SLC38A9: variants seen among roughly 807,000 people sequenced by gnomAD.
SLC38A9 encodes the protein neutral amino acid transporter 9.
Under a neutral mutation model 62.3 loss-of-function variants are expected in SLC38A9, and 48 were observed. The observed-to-expected ratio is 0.77, with a 90% CI of 0.61 to 0.98. SLC38A9 has a LOEUF of 0.98. SLC38A9 is among the 50% of genes least tolerant of loss of function. SLC38A9 has a pLI of 0.00. For missense variants in SLC38A9, 541 were observed against 679.8 expected (o/e 0.80, Z 2.27); for synonymous variants, 204 against 227.7 (o/e 0.90, Z 0.94).
chr5:55,672,749 T>A (rs1282587044), intron 3 of SLC38A9, 54 bp from the exon 4 acceptor site: 1 of 1,573,500 alleles, frequency 6.4e-7, no homozygotes, highest in African/African-American at 1.4e-5. Context: ...ATTCTGGAAG[T>A]CAGCCTTTGA....
chr5:55,677,353 T>C (rs893787774), intron 3 of SLC38A9, among the ~76,000 whole-genome samples: 2 of 152,230 alleles, frequency 1.3e-5, no homozygotes, highest in African/African-American at 2.4e-5. Context: ...TATGACTGTA[T>C]GCAATGCTTC....
chr5:55,692,678 G>A (rs1233623465), intron 3 of SLC38A9: 20 of 984,646 alleles, frequency 2.0e-5, no homozygotes, highest in African/African-American at 5.3e-5. Context: ...TTTAATCTAC[G>A]CAGTTAAACA....
intron 3 of SLC38A9, among the ~76,000 whole-genome samples, chr5:55,682,992 G>A (rs1174231019): frequency 6.6e-6 from 1 of 151,396 alleles, no homozygotes; most frequent in Non-Finnish European, 1.5e-5. Flanking sequence ...AGGGAGGGAG[G>A]GAGGGAAGAA....
At chr5:55,664,447 T>G (rs1750122372) in intron 8 of SLC38A9, 1 of 208,638 alleles carries the variant, frequency 4.8e-6, no homozygotes, top group African/African-American at 2.3e-5. Context: ...ATAGACATAT[T>G]TTATTTTAAC....
chr5:55,707,447 C>T (rs554920338), intron 2 of SLC38A9, among the ~76,000 whole-genome samples: 1 of 152,076 alleles, frequency 6.6e-6, no homozygotes, highest in Non-Finnish European at 1.5e-5. Flanking sequence ...CATAGTGAAA[C>T]CCTGTCTCTA....
At chr5:55,641,716 A>G (rs1327291934) in intron 12 of SLC38A9, among the ~76,000 whole-genome samples, 1 of 152,248 alleles carries the variant, frequency 6.6e-6, no homozygotes, top group African/African-American at 2.4e-5. Flanking sequence ...AGGAGTTAAC[A>G]CAACTATCTG....
intron 14 of SLC38A9, among the ~76,000 whole-genome samples, chr5:55,630,177 AG>A (rs1303947241): frequency 6.6e-6 from 1 of 152,224 alleles, no homozygotes; most frequent in Non-Finnish European, 1.5e-5. Flanking sequence ...TATCTATGTG[AG>A]GCTGGATTTT....
chr5:55,691,939 C>T (rs1356099442), intron 3 of SLC38A9, among the ~76,000 whole-genome samples: 3 of 152,178 alleles, frequency 2.0e-5, no homozygotes, highest in South Asian at 2.1e-4. Flanking sequence ...AAAGGATAAG[C>T]GAACCATCAT....
At chr5:55,675,852 T>G (rs890247215) in intron 3 of SLC38A9, among the ~76,000 whole-genome samples, 4 of 152,264 alleles carry the variant, frequency 2.6e-5, no homozygotes, top group Admixed American at 2.6e-4. Flanking sequence ...CTTAAAAATT[T>G]TTGGCTTATA....
At chr5:55,661,989 A>G (rs578143968) in intron 8 of SLC38A9, among the ~76,000 whole-genome samples, 3 of 152,348 alleles carry the variant, frequency 2.0e-5, no homozygotes, top group Non-Finnish European at 4.4e-5. Flanking sequence ...AAGTCTGATA[A>G]TACTGAGTGT....
At chr5:55,633,179 T>C (rs940591475) in intron 14 of SLC38A9, among the ~76,000 whole-genome samples, 3 of 152,078 alleles carry the variant, frequency 2.0e-5, no homozygotes, top group African/African-American at 4.8e-5. Context: ...GCTGATTTTT[T>C]AAAATTTTGT....
intron 6 of SLC38A9, 109 bp from the exon 7 acceptor site, chr5:55,669,430 A>G: frequency 1.5e-6 from 2 of 1,308,108 alleles, no homozygotes; most frequent in South Asian, 2.8e-5. Context: ...AACTCATGAA[A>G]AACTAAATAT....
intron 2 of SLC38A9, among the ~76,000 whole-genome samples, chr5:55,706,968 G>T (rs1308541876): frequency 4.0e-5 from 6 of 150,712 alleles, no homozygotes; most frequent in African/African-American, 1.2e-4. Flanking sequence ...TTGAGACAGG[G>T]TCTCACTCTG....
intron 3 of SLC38A9, among the ~76,000 whole-genome samples, chr5:55,679,187 A>G (rs1246686977): frequency 6.6e-6 from 1 of 152,204 alleles, no homozygotes; most frequent in Non-Finnish European, 1.5e-5. Context: ...TTGCAAATGA[A>G]TATGTGCATG....
chr5:55,667,241 C>T (rs1238641448), intron 7 of SLC38A9, among the ~76,000 whole-genome samples: 2 of 124,254 alleles, frequency 1.6e-5, no homozygotes, highest in African/African-American at 5.6e-5. Context: ...TTTTTTGCTG[C>T]ATTTGACAAT....
chr5:55,668,999 C>T (rs187294917), intron 7 of SLC38A9: 8 of 293,262 alleles, frequency 2.7e-5, no homozygotes, highest in Non-Finnish European at 4.4e-5. Flanking sequence ...GAAACTAGCA[C>T]CAAAGTGAAT....
At chr5:55,642,873 G>A (rs1041679422) in intron 12 of SLC38A9, among the ~76,000 whole-genome samples, 1 of 152,108 alleles carries the variant, frequency 6.6e-6, no homozygotes, top group Admixed American at 6.5e-5. Flanking sequence ...TTATATTTTT[G>A]CTCTAGAGAG....
chr5:55,674,289 A>G (rs1007060883), intron 3 of SLC38A9, among the ~76,000 whole-genome samples: 1 of 152,202 alleles, frequency 6.6e-6, no homozygotes, highest in Non-Finnish European at 1.5e-5. Context: ...AATATGACAT[A>G]TTATATATAC....
intron 3 of SLC38A9, chr5:55,694,215 A>AG: frequency 3.6e-6 from 1 of 278,298 alleles, no homozygotes; most frequent in Non-Finnish European, 7.3e-6. Flanking sequence ...CTCAAAAAAA[A>AG]AAAAAAAAAT....
Sources: allele counts gnomAD v4.1 joint callset (sites outside exome capture counted in the v4.1 genomes callset), GRCh38; gene constraint gnomAD v4.1.1; transcripts MANE v1.5; gene names NCBI Gene and HGNC (gene_info 2026-07-23, HGNC 2026-07-21).